The following PRDM6 variants were observed in gnomAD, a reference collection of about 807,000 sequenced individuals.
PRDM6 encodes the protein PR/SET domain 6, also known as putative histone-lysine N-methyltransferase PRDM6.
In PRDM6, 25 loss-of-function variants were observed where a neutral mutation model predicts 60.8. The ratio of observed to expected loss-of-function variants is 0.41; its 90% CI spans 0.30 to 0.57. The LOEUF (loss-of-function observed/expected upper bound fraction) is 0.57, where lower values mean the gene tolerates loss of function less well. Ranked by LOEUF, PRDM6 falls within the 20% of genes least tolerant of loss-of-function variation. The pLI is 0.27. For missense variants in PRDM6, 839 were observed against 821.3 expected, an observed-to-expected ratio of 1.02 and a Z score of -0.26; for synonymous variants, 407 against 357.4, an observed-to-expected ratio of 1.14 and a Z score of -1.57.
chr5:123,089,949 G>A, intron 1 of PRDM6, 51 bp from the exon 2 acceptor site: 1 of 1,372,170 alleles, frequency 7.3e-7, no homozygotes, highest in East Asian at 2.7e-5. Context: ...CCTCTTCCCG[G>A]CCCCTTTCGC....
intron 3 of PRDM6, among the ~76,000 whole-genome samples, chr5:123,107,653 T>C (rs1207172125): frequency 1.3e-5 from 2 of 152,222 alleles, no homozygotes; most frequent in African/African-American, 4.8e-5. Flanking sequence ...TAACACAAAC[T>C]GGGACTTGTA....
At position 123,188,732 on chromosome 5, in the gene PRDM6, TCA is replaced by T. The variant is rs1311158329; in HGVS notation, c.*1533_*1534del. ...ATAAAAATGAGACACATAACTGAAC[TCA>T]CTACTAAAAGGCAAGGATACTGTGT... On this transcript the variant is annotated 3_prime_UTR_variant, in exon 8 of 8. Coordinates refer to ENST00000407847, the MANE Select transcript of PRDM6 (RefSeq NM_001136239.4). 2 of 152,142 alleles carry T rather than the reference TCA, an allele frequency of 1.3e-5. No homozygotes were observed. The highest frequency in any genetic ancestry group is 4.8e-5 in the African/African-American group (2 of 41,430). The allele number at this position is 152,142 out of a possible 1,614,324, so 9.4% of individuals were successfully genotyped here.
At chr5:123,134,828 G>A (rs1380010549) in intron 3 of PRDM6, among the ~76,000 whole-genome samples, 2 of 152,096 alleles carry the variant, frequency 1.3e-5, no homozygotes, top group Non-Finnish European at 2.9e-5. Flanking sequence ...TGCTCCGAAG[G>A]CAGAGATCTG....
intron 5 of PRDM6, among the ~76,000 whole-genome samples, chr5:123,165,757 C>T (rs1765738288): frequency 6.6e-6 from 1 of 152,204 alleles, no homozygotes; most frequent in Non-Finnish European, 1.5e-5. Context: ...GGCTGTCATT[C>T]TCCCACATGT....
chr5:123,112,419 A>G (rs1764333778), intron 3 of PRDM6, among the ~76,000 whole-genome samples: 1 of 152,194 alleles, frequency 6.6e-6, no homozygotes. Flanking sequence ...TGCCAGCTTT[A>G]TCTGCTAATT....
At chr5:123,110,610 C>T (rs2150212404) in intron 3 of PRDM6, among the ~76,000 whole-genome samples, 1 of 147,828 alleles carries the variant, frequency 6.8e-6, no homozygotes, top group African/African-American at 2.5e-5. Flanking sequence ...TCTTGTTGCC[C>T]AGGCTGGAGT....
chr5:123,172,551 T>C (rs1039191426), intron 6 of PRDM6, among the ~76,000 whole-genome samples: 1 of 152,202 alleles, frequency 6.6e-6, no homozygotes, highest in African/African-American at 2.4e-5. Flanking sequence ...TCCTTGCAAG[T>C]ATACGTAGAA....
intron 7 of PRDM6, among the ~76,000 whole-genome samples, chr5:123,182,483 G>A (rs572360853): frequency 3.9e-5 from 6 of 152,192 alleles, no homozygotes; most frequent in South Asian, 4.2e-4. Flanking sequence ...TAATTGAAGC[G>A]GTTTCAGGGT....
At chr5:123,182,384 C>T (rs923865529) in intron 7 of PRDM6, among the ~76,000 whole-genome samples, 1 of 152,178 alleles carries the variant, frequency 6.6e-6, no homozygotes, top group African/African-American at 2.4e-5. Context: ...CCTTCTGGCC[C>T]CTTATATTAG....
chr5:123,100,833 C>T (rs163188), intron 3 of PRDM6, among the ~76,000 whole-genome samples: 1 of 152,134 alleles, frequency 6.6e-6, no homozygotes, highest in African/African-American at 2.4e-5. Context: ...AGATGCCTAT[C>T]ATTAGGTCAT....
At chr5:123,115,171 A>G (rs1022586902) in intron 3 of PRDM6, among the ~76,000 whole-genome samples, 9 of 152,156 alleles carry the variant, frequency 5.9e-5, no homozygotes, top group African/African-American at 2.2e-4. Context: ...TGGATGCCTC[A>G]TCTCATTCCC....
chr5:123,172,558 A>G (rs550497903), intron 6 of PRDM6, among the ~76,000 whole-genome samples: 153 of 152,360 alleles, frequency 1.0e-3, no homozygotes, highest in African/African-American at 3.4e-3. Flanking sequence ...AAGTATACGT[A>G]GAACCTCAAG....
rs1254154246 is a variant in PRDM6, at chr5:123,099,275, A to G, written c.593-379A>G. ...GAGAGGGTCAGAAGGAACGAGAGAC[A>G]GTAGGGAAGAGAGAGAGAGAGACAG... On this transcript the variant is annotated intron_variant, in intron 2 of 7. Transcript: ENST00000407847. This position sits in a 1 kb window ranked among gnomAD's most constrained non-coding sequence, Gnocchi z 4.0. Among the ~76,000 whole-genome samples, 1 of 152,180 alleles carries G rather than the reference A, an allele frequency of 6.6e-6. No homozygotes were observed. The highest frequency in any genetic ancestry group is 6.5e-5 in the Admixed American group (1 of 15,274).
chr5:123,138,054 A>T (rs1196598692), intron 3 of PRDM6, among the ~76,000 whole-genome samples: 2 of 152,156 alleles, frequency 1.3e-5, no homozygotes, highest in Non-Finnish European at 2.9e-5. Context: ...ATACTGATAT[A>T]GGCCAGGATT....
At chr5:123,175,347 T>C (rs1770076918) in intron 6 of PRDM6, among the ~76,000 whole-genome samples, 1 of 152,220 alleles carries the variant, frequency 6.6e-6, no homozygotes, top group Admixed American at 6.5e-5. Flanking sequence ...CATTTGTGTT[T>C]TAAGTATCAT....
Position 123,090,087 on chromosome 5 carries a change from C to G in PRDM6, c.73C>G (p.Gln25Glu). The G allele has an allele frequency of 6.5e-7, 1 of 1,547,328 alleles. No homozygotes were observed. The highest frequency in any genetic ancestry group is 8.7e-7 in the Non-Finnish European group (1 of 1,145,594). The part of the protein sequence containing the change: ...VDPAYLQHWQ[Q>E]LFPHGGAGPL... ...CCCAGCCTACCTGCAGCACTGGCAG[C>G]AACTCTTCCCTCACGGAGGCGCAGG... The change falls in exon 2 of 8, where the codon CAA becomes GAA. Residue 25 changes from glutamine (Q) to glutamate (E), a missense_variant. Gln to Glu is a conservative substitution (Grantham distance 29, BLOSUM62 2). This residue lies in a region of PRDM6 where 730 missense variants were observed against 648.8 expected (regional missense o/e 1.13). Coordinates refer to ENST00000407847, the MANE Select transcript of PRDM6 (RefSeq NM_001136239.4).
intron 3 of PRDM6, among the ~76,000 whole-genome samples, chr5:123,133,407 G>A (rs1764879649): frequency 6.6e-6 from 1 of 151,892 alleles, no homozygotes; most frequent in Non-Finnish European, 1.5e-5. Flanking sequence ...ATCATAGGAA[G>A]GAAGAAAACT....
At chr5:123,131,280 A>C (rs1371467178) in intron 3 of PRDM6, among the ~76,000 whole-genome samples, 2 of 152,208 alleles carry the variant, frequency 1.3e-5, no homozygotes, top group Non-Finnish European at 2.9e-5. Flanking sequence ...TAGGGCAGCC[A>C]TAGTTAATGA....
In PRDM6 at chr5:123,170,888, T is replaced by C. The variant is rs1006680957; in HGVS notation, c.1276T>C (p.Cys426Arg). ...CTCCGTTGTTTTCCCCCAGACTCCGTGCAGCAGGAACTTCTCTCTTCTGGA... is the reference window on the plus strand; with the variant it reads ...CTCCGTTGTTTTCCCCCAGACTCCGCGCAGCAGGAACTTCTCTCTTCTGGA... ...QRSVVFPQTPCSRNFSLLDKS... is the reference protein window; with the variant it reads ...QRSVVFPQTPRSRNFSLLDKS... Residue 426 changes from cysteine to arginine, a missense_variant, in exon 6 of 8, where the codon TGC becomes CGC. Coordinates refer to ENST00000407847, the MANE Select transcript of PRDM6 (RefSeq NM_001136239.4). 6.4e-7 allele frequency: 1 copy of C among 1,552,106 alleles called. No individual in the cohort carries two copies. The highest frequency in any genetic ancestry group is 1.4e-5 in the African/African-American group (1 of 73,026).
Sources: allele counts gnomAD v4.1 joint callset (sites outside exome capture counted in the v4.1 genomes callset), GRCh38; gene constraint gnomAD v4.1.1; regional missense constraint gnomAD v4.1.1; non-coding constraint Gnocchi (gnomAD v3.1); transcripts MANE v1.5; gene names NCBI Gene and HGNC (gene_info 2026-07-23, HGNC 2026-07-21).